Variants in VPS13A observed in about 807,000 individuals in gnomAD.
VPS13A encodes vacuolar protein sorting 13 homolog A.
A neutral mutation model predicts 390.9 loss-of-function variants in VPS13A; 264 were observed. The observed-to-expected ratio is 0.68, with a 90% CI of 0.61 to 0.75. VPS13A has a LOEUF of 0.75. VPS13A is among the 30% of genes least tolerant of loss of function. The pLI is 0.00. For missense variants in VPS13A, 3,409 were observed against 3,733.9 expected (o/e 0.91, Z 2.27); for synonymous variants, 1,231 against 1,227.1 (o/e 1.00, Z -0.07).
In VPS13A at chr9:77,419,224, G is replaced by C. The variant is rs1835269725; in HGVS notation, c.*3218G>C. On this transcript the variant is annotated 3_prime_UTR_variant, in exon 72 of 72. Transcript: ENST00000360280. ...CCACACTGTAAGTCCTAACTCATTA[G>C]TGGGTCATGAAATCAACTTAACAGC... 1 of 152,102 alleles carries C rather than the reference G, an allele frequency of 6.6e-6. No individual in the cohort carries two copies. The highest frequency in any genetic ancestry group is 2.1e-4 in the South Asian group (1 of 4,826). 9.4% of individuals were successfully genotyped at this position (152,102 alleles called of 1,614,324 possible). A position where few individuals can be genotyped will look rare whatever the true frequency, so the allele number is the denominator to read the frequency against.
chr9:77,266,379 T>C (rs752217495), intron 23 of VPS13A, among the ~76,000 whole-genome samples: 8 of 152,196 alleles, frequency 5.3e-5, no homozygotes, highest in Non-Finnish European at 1.2e-4. Flanking sequence ...ATCTGTCTAA[T>C]ATTGACAGTG....
chr9:77,239,712 A>T (rs1824357926), intron 19 of VPS13A, among the ~76,000 whole-genome samples: 1 of 151,736 alleles, frequency 6.6e-6, no homozygotes, highest in African/African-American at 2.4e-5. Context: ...TTTGCATTTA[A>T]TTAATTTATT....
At chr9:77,255,750 GA>G (rs1482881981) in intron 22 of VPS13A, among the ~76,000 whole-genome samples, 1 of 151,934 alleles carries the variant, frequency 6.6e-6, no homozygotes, top group African/African-American at 2.4e-5. Flanking sequence ...GTGTTTCTTG[GA>G]ATTTGTTTCA....
At chr9:77,182,016 A>G (rs1455147653) in intron 1 of VPS13A, among the ~76,000 whole-genome samples, 1 of 152,178 alleles carries the variant, frequency 6.6e-6, no homozygotes, top group Non-Finnish European at 1.5e-5. Context: ...CCCATATATC[A>G]TCTAGTTAGA....
chr9:77,341,520 A>G (rs910668697), intron 50 of VPS13A, among the ~76,000 whole-genome samples: 4 of 151,632 alleles, frequency 2.6e-5, no homozygotes, highest in Non-Finnish European at 5.9e-5. Context: ...ATTTGCTACT[A>G]TTGTTTCTTT....
At chr9:77,287,967 G>A (rs965496870) in intron 31 of VPS13A, among the ~76,000 whole-genome samples, 3 of 152,136 alleles carry the variant, frequency 2.0e-5, no homozygotes, top group Non-Finnish European at 4.4e-5. Flanking sequence ...ATACTGTTGT[G>A]TAACTTACCT....
Position 77,238,729 on chromosome 9 carries a change from A to C in VPS13A, c.1900+343A>C, listed in dbSNP as rs921155406. ...TATCAGCCTCAGGGAAAAAAGTTCT[A>C]TCCTTTTTTATTCTCTAGGAGAGTT... On this transcript the variant is annotated intron_variant, in intron 19 of 71. Coordinates refer to ENST00000360280, the MANE Select transcript of VPS13A (RefSeq NM_033305.3). Among the ~76,000 whole-genome samples, 3 of 152,276 alleles carry C rather than the reference A, an allele frequency of 2.0e-5. No homozygotes were observed. The East Asian group carries it at 5.8e-4, about 29-fold the overall frequency.
chr9:77,278,284 A>G (rs1168807084), intron 26 of VPS13A, among the ~76,000 whole-genome samples: 18 of 134,638 alleles, frequency 1.3e-4, no homozygotes, highest in South Asian at 2.3e-4. Flanking sequence ...ACGGGGTTTC[A>G]CCATAGTCTC....
At chr9:77,230,863 A>G (rs1189339595) in intron 17 of VPS13A, among the ~76,000 whole-genome samples, 1 of 152,160 alleles carries the variant, frequency 6.6e-6, no homozygotes, top group Non-Finnish European at 1.5e-5. Flanking sequence ...AAACAATATT[A>G]AGTCTTCCAA....
intron 1 of VPS13A, among the ~76,000 whole-genome samples, chr9:77,185,496 T>A (rs1295604232): frequency 1.3e-5 from 2 of 152,182 alleles, no homozygotes; most frequent in African/African-American, 4.8e-5. Flanking sequence ...TTATAGTTAG[T>A]GTCTGTTGGA....
At chr9:77,371,263 A>G (rs1364815208) in intron 67 of VPS13A, 114 bp downstream of exon 67, 4 of 1,420,110 alleles carry the variant, frequency 2.8e-6, no homozygotes, top group African/African-American at 1.4e-5. Flanking sequence ...GTGCTGCTAT[A>G]ACATACCACA....
At chr9:77,373,705 C>A (rs1026491119) in intron 67 of VPS13A, among the ~76,000 whole-genome samples, 3 of 151,392 alleles carry the variant, frequency 2.0e-5, no homozygotes, top group African/African-American at 7.3e-5. Flanking sequence ...AGGCAACCTA[C>A]AAAATGGGAG....
rs1835216052 is a variant in VPS13A, at chr9:77,417,801, C to CA, written c.*1795_*1796insA. 6.6e-6 allele frequency: 1 copy of CA among 152,178 alleles called. No homozygotes were observed. The highest frequency in any genetic ancestry group is 2.1e-4 in the South Asian group (1 of 4,828). The allele number at this position is 152,178 out of a possible 1,614,324, so 9.4% of individuals were successfully genotyped here. On this transcript the variant is annotated 3_prime_UTR_variant, in exon 72 of 72. Transcript: ENST00000360280. ...AACATAGAAATTCTTCTGGTGCCCT[C>CA]TGGCAGCCAGCAGGAGTGGGTCTTG...
At chr9:77,337,670 T>A in intron 47 of VPS13A, 133 bp downstream of exon 47, 1 of 866,512 alleles carries the variant, frequency 1.2e-6, no homozygotes, top group Non-Finnish European at 1.7e-6. Flanking sequence ...GTAATGCAGA[T>A]ATTCTTTTGC....
At position 77,405,921 on chromosome 9, in the gene VPS13A, T is replaced by G. The variant is rs759203710; in HGVS notation, c.9333T>G (p.Tyr3111Ter). The G allele has an allele frequency of 6.2e-7, 1 of 1,613,998 alleles. No homozygotes were observed. ...GACAACTCACGTGTGAGTGGCAGTA[T>G]AGTTTTGATGAATTTACCAAAGAGC... ...TFGQLTCEWQ[Y>*]SFDEFTKEPF... The change falls in exon 70 of 72, where the codon TAT becomes TAG. Residue 3111 changes from tyrosine to a stop codon, truncating the protein, a stop_gained. Coordinates refer to ENST00000360280, the MANE Select transcript of VPS13A (RefSeq NM_033305.3). LOFTEE classifies it high-confidence loss of function.
intron 45 of VPS13A, 57 bp from the exon 46 acceptor site, chr9:77,331,953 C>G (rs1300536938): frequency 1.7e-6 from 2 of 1,205,006 alleles, no homozygotes; most frequent in African/African-American, 3.0e-5. Context: ...ATTTTTTTTA[C>G]ACATCTTTAG....
chr9:77,249,966 A>G, intron 20 of VPS13A, 131 bp from the exon 21 acceptor site: 1 of 975,450 alleles, frequency 1.0e-6, no homozygotes, highest in Non-Finnish European at 1.5e-6. Flanking sequence ...CCTTTCTAAT[A>G]GCCTTATTAT....
chr9:77,280,342 A>T (rs1826946981), intron 27 of VPS13A, 104 bp downstream of exon 27: 1 of 958,938 alleles, frequency 1.0e-6, no homozygotes, highest in East Asian at 2.6e-5. Flanking sequence ...TCACTGTAAC[A>T]TAATCTCTTT....
chr9:77,177,825 G>C (rs1823727725), intron 1 of VPS13A, 21 bp downstream of exon 1: 1 of 1,593,128 alleles, frequency 6.3e-7, no homozygotes, highest in Non-Finnish European at 8.6e-7. Context: ...CGCCGCCGCC[G>C]CTCCCCGGCC....
Sources: gnomAD v4.1 joint callset for allele counts (sites outside exome capture counted in the v4.1 genomes callset) on GRCh38, gnomAD v4.1.1 for gene constraint, MANE v1.5 for transcripts, NCBI Gene and HGNC (gene_info 2026-07-23, HGNC 2026-07-21) for gene names.